Variants in MARCHF11 observed in about 807,000 individuals in gnomAD.
MARCHF11 encodes the protein membrane associated ring-CH-type finger 11.
MARCHF11 carries 29 observed loss-of-function variants against 37.3 expected under a neutral mutation model. That is an observed-to-expected ratio of 0.78 (90% CI 0.58 to 1.06). The LOEUF is 1.06. Among genes scored for constraint, MARCHF11 ranks in the 50% least tolerant of loss-of-function variants. The pLI is 0.00. For synonymous variants in MARCHF11, 233 were observed against 228.0 expected, an observed-to-expected ratio of 1.02 and a Z score of -0.20; for missense variants, 482 against 533.4, an observed-to-expected ratio of 0.90 and a Z score of 0.95.
chr5:16,113,440 T>C (rs1016459692), intron 2 of MARCHF11, among the ~76,000 whole-genome samples: 2 of 152,236 alleles, frequency 1.3e-5, no homozygotes, highest in Non-Finnish European at 2.9e-5. Context: ...AGACTCAATG[T>C]TATTATTGTT....
chr5:16,083,892 G>A (rs1037296831), intron 3 of MARCHF11, among the ~76,000 whole-genome samples: 4 of 152,208 alleles, frequency 2.6e-5, no homozygotes, highest in Non-Finnish European at 5.9e-5. Context: ...ATTTTAGGGG[G>A]AAGCAACACT....
chr5:16,172,015 G>A (rs1369785448), intron 2 of MARCHF11, among the ~76,000 whole-genome samples: 1 of 152,182 alleles, frequency 6.6e-6, no homozygotes, highest in African/African-American at 2.4e-5. Flanking sequence ...ATCACCTATA[G>A]GGTACATGTT....
intron 3 of MARCHF11, among the ~76,000 whole-genome samples, chr5:16,071,275 A>C (rs1186623199): frequency 6.6e-6 from 1 of 152,214 alleles, no homozygotes; most frequent in Non-Finnish European, 1.5e-5. Flanking sequence ...TACATTATTA[A>C]CAGCATGGAT....
chr5:16,171,124 C>CT (rs1738255825), intron 2 of MARCHF11, among the ~76,000 whole-genome samples: 1 of 151,800 alleles, frequency 6.6e-6, no homozygotes, highest in Non-Finnish European at 1.5e-5. Context: ...TATTATTATA[C>CT]TTTAAGTTTT....
intron 2 of MARCHF11, among the ~76,000 whole-genome samples, chr5:16,173,013 A>C (rs536788491): frequency 7.9e-4 from 121 of 152,348 alleles, no homozygotes; most frequent in Non-Finnish European, 1.6e-3. Context: ...TGCTATAAGA[A>C]GATCTGCTGC....
chr5:16,169,967 TG>T (rs1160926322), intron 2 of MARCHF11, among the ~76,000 whole-genome samples: 1 of 152,094 alleles, frequency 6.6e-6, no homozygotes, highest in Non-Finnish European at 1.5e-5. Context: ...CACAGCTACA[TG>T]CCAAGGCAAC....
chr5:16,089,129 A>G (rs1295970548), intron 3 of MARCHF11, among the ~76,000 whole-genome samples: 1 of 152,126 alleles, frequency 6.6e-6, no homozygotes, highest in African/African-American at 2.4e-5. Flanking sequence ...TGACCAGGAA[A>G]TGCATGGTCT....
intron 2 of MARCHF11, among the ~76,000 whole-genome samples, chr5:16,095,577 G>A (rs1010904931): frequency 6.6e-6 from 1 of 152,110 alleles, no homozygotes; most frequent in Non-Finnish European, 1.5e-5. Flanking sequence ...TGGTCCCTCT[G>A]TGTCTTTGAG....
chr5:16,084,540 G>A lies in MARCHF11; in HGVS notation c.886+6349C>T, dbSNP rs183071747. ...TGCCTGTAATCCCAGCTACTCAGGAGGCTGAGGAAGGAGAATCACTTGAAC... is the reference window on the plus strand; with the variant it reads ...TGCCTGTAATCCCAGCTACTCAGGAAGCTGAGGAAGGAGAATCACTTGAAC... On this transcript the variant is annotated intron_variant, in intron 3 of 3. Coordinates refer to ENST00000332432, the MANE Select transcript of MARCHF11 (RefSeq NM_001102562.3). Among the ~76,000 whole-genome samples, 543 of 152,178 alleles carry A rather than the reference G, an allele frequency of 3.6e-3. 4 individuals are homozygous for A. The highest frequency in any genetic ancestry group is 0.013 in the African/African-American group (521 of 41,516).
At chr5:16,148,411 G>A (rs1430792722) in intron 2 of MARCHF11, among the ~76,000 whole-genome samples, 1 of 152,078 alleles carries the variant, frequency 6.6e-6, no homozygotes, top group Non-Finnish European at 1.5e-5. Context: ...CTGGCCTAGA[G>A]ACCCACTAAC....
intron 2 of MARCHF11, among the ~76,000 whole-genome samples, chr5:16,103,334 A>G (rs1288239596): frequency 6.6e-6 from 1 of 152,160 alleles, no homozygotes; most frequent in African/African-American, 2.4e-5. Flanking sequence ...GACAAGGAGA[A>G]GTATGTGCAC....
At chr5:16,142,351 T>C (rs1174163125) in intron 2 of MARCHF11, among the ~76,000 whole-genome samples, 1 of 152,188 alleles carries the variant, frequency 6.6e-6, no homozygotes, top group Non-Finnish European at 1.5e-5. Context: ...ACCTTTATTG[T>C]AAAAATAGCA....
chr5:16,144,321 A>G (rs1053013073), intron 2 of MARCHF11, among the ~76,000 whole-genome samples: 6 of 152,172 alleles, frequency 3.9e-5, no homozygotes, highest in African/African-American at 1.4e-4. Context: ...AGTGCCCTTG[A>G]AAATGGATTT....
chr5:16,122,259 C>A (rs1560981026), intron 2 of MARCHF11, among the ~76,000 whole-genome samples: 1 of 152,130 alleles, frequency 6.6e-6, no homozygotes, highest in African/African-American at 2.4e-5. Flanking sequence ...CACGTATAAG[C>A]ATGCACTGGG....
intron 3 of MARCHF11, among the ~76,000 whole-genome samples, chr5:16,085,716 G>A (rs1444865719): frequency 6.6e-6 from 1 of 151,962 alleles, no homozygotes; most frequent in Non-Finnish European, 1.5e-5. Flanking sequence ...ACTTTGGGAG[G>A]CCAAGGTGGG....
At chr5:16,098,767 C>CAAAAAAAAAAAAAA (rs952595468) in intron 2 of MARCHF11, among the ~76,000 whole-genome samples, 1 of 103,336 alleles carries the variant, frequency 9.7e-6, no homozygotes, top group African/African-American at 3.8e-5. Flanking sequence ...GACTCCATCT[C>CAAAAAAAAAAAAAA]AAAAAAAAAA....
chr5:16,072,510 CTGTG>C (rs34699021), intron 3 of MARCHF11, among the ~76,000 whole-genome samples: 46,548 of 146,514 alleles, frequency 0.32, 7,628 homozygotes, highest in East Asian at 0.51. Context: ...CTCTCTCACT[CTGTG>C]TGTGTGTGTG....
chr5:16,135,127 A>G (rs915456923), intron 2 of MARCHF11, among the ~76,000 whole-genome samples: 3 of 152,164 alleles, frequency 2.0e-5, no homozygotes, highest in African/African-American at 7.2e-5. Context: ...ATGGCAGAAC[A>G]TATAAACTTA....
intron 2 of MARCHF11, among the ~76,000 whole-genome samples, chr5:16,145,241 T>G (rs1004662378): frequency 1.3e-5 from 2 of 152,178 alleles, no homozygotes; most frequent in African/African-American, 4.8e-5. Context: ...CCAAAATTCA[T>G]GTGTTAGAAA....
Sources: gnomAD v4.1 joint callset for allele counts (sites outside exome capture counted in the v4.1 genomes callset) on GRCh38, gnomAD v4.1.1 for gene constraint, MANE v1.5 for transcripts, NCBI Gene and HGNC (gene_info 2026-07-23, HGNC 2026-07-21) for gene names.